The following NCKAP1 variants were observed in gnomAD, a reference collection of about 807,000 sequenced individuals.
The protein encoded by NCKAP1 is NCK associated protein 1.
In NCKAP1, 21 loss-of-function variants were observed where a neutral mutation model predicts 151.2. That is an observed-to-expected ratio of 0.14 (90% confidence interval 0.10 to 0.20). NCKAP1 has a LOEUF of 0.20. Among genes scored for constraint, NCKAP1 ranks in the 10% least tolerant of loss-of-function variants. The pLI, the probability that NCKAP1 is intolerant of heterozygous loss-of-function variation, is 1.00. For synonymous variants in NCKAP1, 484 were observed against 451.8 expected, an observed-to-expected ratio of 1.07 and a Z score of -0.90; for missense variants, 933 against 1,352.1, an observed-to-expected ratio of 0.69 and a Z score of 4.86.
At chr2:183,015,664 T>G (rs1422557880) in intron 2 of NCKAP1, among the ~76,000 whole-genome samples, 1 of 151,976 alleles carries the variant, frequency 6.6e-6, no homozygotes, top group Non-Finnish European at 1.5e-5. Flanking sequence ...AGGCTAAATA[T>G]ATTATTCATC....
intron 18 of NCKAP1, among the ~76,000 whole-genome samples, chr2:182,958,393 C>T (rs1360225160): frequency 3.3e-5 from 5 of 152,160 alleles, no homozygotes; most frequent in African/African-American, 1.2e-4. Context: ...ATCCACCTGC[C>T]TCGGCCTCCC....
intron 6 of NCKAP1, among the ~76,000 whole-genome samples, chr2:183,001,673 C>G (rs1426643687): frequency 6.6e-6 from 1 of 152,102 alleles, no homozygotes; most frequent in Non-Finnish European, 1.5e-5. Flanking sequence ...AGTGTGAGAA[C>G]AGACCCTCTC....
chr2:182,979,579 A>C (rs1222370840), intron 13 of NCKAP1, among the ~76,000 whole-genome samples: 2 of 152,132 alleles, frequency 1.3e-5, no homozygotes, highest in Non-Finnish European at 2.9e-5. Context: ...CTGTACACTT[A>C]AAAATCATGA....
rs984782289 is a variant in NCKAP1 at position 182,921,277 on chromosome 2, T to A, written c.*4425A>T. The A allele has an allele frequency of 6.6e-6, 1 of 152,212 alleles. No individual in the cohort carries two copies. Among genetic ancestry groups the A allele is most frequent in the Non-Finnish European group, 1.5e-5 (1 of 68,026 alleles). 9.4% of individuals were successfully genotyped at this position (152,212 alleles called of 1,614,324 possible). On this transcript the variant is annotated 3_prime_UTR_variant, in exon 31 of 31. Transcript: ENST00000361354. ...ATAAAATTACAGTAAATTTTAAATA[T>A]GATTTCCTACTTATTCATGGATTCT...
At chr2:182,969,720 G>C (rs1321247272) in intron 15 of NCKAP1, among the ~76,000 whole-genome samples, 2 of 151,970 alleles carry the variant, frequency 1.3e-5, no homozygotes, top group African/African-American at 4.8e-5. Context: ...ACCTAATAAT[G>C]TACCTTAAAG....
chr2:183,030,722 G>A (rs1698989846), intron 1 of NCKAP1, among the ~76,000 whole-genome samples: 1 of 152,206 alleles, frequency 6.6e-6, no homozygotes, highest in Non-Finnish European at 1.5e-5. Flanking sequence ...CCTAGAGGAA[G>A]AATAGACGTT....
chr2:182,958,584 T>G (rs1454262775), intron 18 of NCKAP1, among the ~76,000 whole-genome samples: 2 of 152,190 alleles, frequency 1.3e-5, no homozygotes, highest in Non-Finnish European at 2.9e-5. Context: ...AATAAAAAAA[T>G]TTTAATGGGC....
chr2:182,965,871 T>C (rs1000627660), intron 16 of NCKAP1, among the ~76,000 whole-genome samples: 1 of 152,166 alleles, frequency 6.6e-6, no homozygotes, highest in Non-Finnish European at 1.5e-5. Flanking sequence ...GGGCTCCACA[T>C]AATCTTAAAA....
At chr2:182,945,694 C>T (rs892571450) in intron 23 of NCKAP1, among the ~76,000 whole-genome samples, 1 of 152,172 alleles carries the variant, frequency 6.6e-6, no homozygotes, top group East Asian at 1.9e-4. Flanking sequence ...ATGCTTTATG[C>T]ACTGCTGATG....
At chr2:183,008,721 T>C (rs1698530246) in intron 2 of NCKAP1, among the ~76,000 whole-genome samples, 1 of 152,210 alleles carries the variant, frequency 6.6e-6, no homozygotes, top group Non-Finnish European at 1.5e-5. Flanking sequence ...ATAAATGAAT[T>C]TGACAGTAGG....
intron 2 of NCKAP1, among the ~76,000 whole-genome samples, chr2:183,011,361 T>G (rs1408086328): frequency 1.3e-5 from 2 of 152,204 alleles, no homozygotes; most frequent in Non-Finnish European, 2.9e-5. Flanking sequence ...TTTAGTAAAT[T>G]AGAGTTGTGA....
rs1257465330 is a variant in NCKAP1 at position 182,909,531 on chromosome 2, T to G, written c.*16171A>C. 1 of 152,232 alleles carries G rather than the reference T, an allele frequency of 6.6e-6. No homozygotes were observed. The highest frequency in any genetic ancestry group is 1.5e-5 in the Non-Finnish European group (1 of 68,044). 9.4% of individuals were successfully genotyped at this position (152,232 alleles called of 1,614,324 possible). A position where few individuals can be genotyped will look rare whatever the true frequency, so the allele number is the denominator to read the frequency against. On this transcript the variant is annotated 3_prime_UTR_variant, in exon 31 of 31. Transcript: ENST00000361354. ...TTCATATTGTCTCATGTGTCAAAAT[T>G]TCTTTCCTTTTTAAGGCTGAATAAT...
chr2:182,978,786 G>A, intron 14 of NCKAP1, 48 bp downstream of exon 14: 2 of 1,140,134 alleles, frequency 1.8e-6, no homozygotes, highest in Non-Finnish European at 2.5e-6. Flanking sequence ...AATCAAGTTT[G>A]AAAATCTAAT....
chr2:182,965,778 C>G (rs1697557855), intron 16 of NCKAP1, among the ~76,000 whole-genome samples: 1 of 152,052 alleles, frequency 6.6e-6, no homozygotes, highest in African/African-American at 2.4e-5. Flanking sequence ...GAATAGGATC[C>G]TTTGCATAGC....
At chr2:182,959,472 A>G (rs1450586842) in intron 18 of NCKAP1, among the ~76,000 whole-genome samples, 1 of 152,186 alleles carries the variant, frequency 6.6e-6, no homozygotes, top group Non-Finnish European at 1.5e-5. Context: ...TATAAACAGA[A>G]CCAACGACAA....
chr2:183,003,377 T>TAA, intron 2 of NCKAP1, 52 bp from the exon 3 acceptor site: 1 of 1,047,002 alleles, frequency 9.6e-7, no homozygotes, highest in Non-Finnish European at 1.4e-6. Context: ...AAGTATTTAA[T>TAA]TTTACTACAA....
In NCKAP1 at chr2:182,989,101, G is replaced by A; in HGVS notation, c.876C>T (p.Cys292=). The A allele has an allele frequency of 6.2e-7, 1 of 1,613,284 alleles. No homozygotes were observed. Among genetic ancestry groups the A allele is most frequent in the East Asian group, 2.2e-5 (1 of 44,848 alleles). ...AAACTTCATCCCGAAAGAGAGAGAGGCAAGAGCTACTTTGAAGAGCTAGTT... is the reference window on the plus strand; with the variant it reads ...AAACTTCATCCCGAAAGAGAGAGAGACAAGAGCTACTTTGAAGAGCTAGTT... ...LWKLALQSSS[C]LSLFRDEVFH... is the part of the protein sequence containing the mutation. Residue 292 remains cysteine (C), a synonymous_variant, in exon 9 of 31, where the codon TGC becomes TGT. Transcript: ENST00000361354.
chr2:182,957,688 T>C (rs750587368), intron 18 of NCKAP1, 92 bp from the exon 19 acceptor site: 10 of 1,319,890 alleles, frequency 7.6e-6, no homozygotes, highest in Non-Finnish European at 1.0e-5. Flanking sequence ...ATCCAGGCTG[T>C]GTTGCAAATA....
At chr2:182,965,273 C>T (rs968334197) in intron 16 of NCKAP1, among the ~76,000 whole-genome samples, 1 of 2,714 alleles carries the variant, frequency 3.7e-4, no homozygotes, top group African/African-American at 1.4e-3. Flanking sequence ...TTATGAACCA[C>T]TAAGAAAAAA....
Sources: allele counts gnomAD v4.1 joint callset (sites outside exome capture counted in the v4.1 genomes callset), GRCh38; gene constraint gnomAD v4.1.1; transcripts MANE v1.5; gene names NCBI Gene and HGNC (gene_info 2026-07-23, HGNC 2026-07-21).